DECR1: variants seen among roughly 807,000 people sequenced by gnomAD.
The protein encoded by DECR1 is 2,4-dienoyl-CoA reductase 1, also known as 2,4-dienoyl-CoA reductase [(3E)-enoyl-CoA-producing], mitochondrial.
In DECR1, 44 loss-of-function variants were observed where a neutral mutation model predicts 38.8. The ratio of observed to expected loss-of-function variants is 1.13; its 90% confidence interval spans 0.89 to 1.46. DECR1 has a LOEUF of 1.46. DECR1 is among the 40% of genes most tolerant of loss of function. The pLI, the probability that DECR1 is intolerant of heterozygous loss-of-function variation, is 0.00. For missense variants in DECR1, 428 were observed against 405.5 expected (o/e 1.06, Z -0.48); for synonymous variants, 148 against 135.2 (o/e 1.09, Z -0.66).
intron 5 of DECR1, among the ~76,000 whole-genome samples, chr8:90,035,523 T>C (rs1038307336): frequency 3.3e-5 from 5 of 152,110 alleles, no homozygotes; most frequent in East Asian, 1.9e-4. Flanking sequence ...AGAAGCCATA[T>C]TGGTTTCTAT....
chr8:90,012,621 A>G (rs1459733932), intron 1 of DECR1, among the ~76,000 whole-genome samples: 5 of 152,206 alleles, frequency 3.3e-5, no homozygotes, highest in Admixed American at 3.3e-4. Context: ...ATGCAATTGG[A>G]GTCTGGCCAA....
At chr8:90,016,391 C>T (rs1349866298) in intron 1 of DECR1, among the ~76,000 whole-genome samples, 2 of 152,014 alleles carry the variant, frequency 1.3e-5, no homozygotes, top group Non-Finnish European at 2.9e-5. Context: ...AATCCCAGCT[C>T]TTTGGGAGGC....
intron 1 of DECR1, among the ~76,000 whole-genome samples, chr8:90,011,660 T>C (rs1043279614): frequency 6.6e-6 from 1 of 152,216 alleles, no homozygotes; most frequent in East Asian, 1.9e-4. Flanking sequence ...AGTCTTGTAC[T>C]TCTTTTATTA....
chr8:90,050,461 A>G (rs1348681188), intron 8 of DECR1, among the ~76,000 whole-genome samples: 1 of 152,252 alleles, frequency 6.6e-6, no homozygotes, highest in Non-Finnish European at 1.5e-5. Context: ...ATGCAAATCA[A>G]AACCACAGTG....
intron 8 of DECR1, among the ~76,000 whole-genome samples, chr8:90,046,145 G>A (rs962841516): frequency 1.3e-5 from 2 of 152,358 alleles, no homozygotes; most frequent in East Asian, 1.9e-4. Context: ...CCAAAGGAAT[G>A]CAGCTCCTCG....
At chr8:90,046,563 A>C (rs2130168291) in intron 8 of DECR1, among the ~76,000 whole-genome samples, 1 of 152,186 alleles carries the variant, frequency 6.6e-6, no homozygotes, top group Middle Eastern at 3.4e-3. Context: ...TCTACGTCTG[A>C]TTGTACCTGA....
At chr8:90,043,770 A>G (rs1196032360) in intron 7 of DECR1, among the ~76,000 whole-genome samples, 1 of 152,228 alleles carries the variant, frequency 6.6e-6, no homozygotes, top group Non-Finnish European at 1.5e-5. Flanking sequence ...AAACAGTCTA[A>G]TAAAATTAGT....
intron 1 of DECR1, among the ~76,000 whole-genome samples, chr8:90,015,873 T>C (rs778113756): frequency 6.6e-6 from 1 of 152,238 alleles, no homozygotes; most frequent in Non-Finnish European, 1.5e-5. Context: ...ATATATTTTT[T>C]ATCACTCTGA....
chr8:90,004,386 T>C lies in DECR1; in HGVS notation c.69+2825T>C, dbSNP rs1360082353. 3.3e-5 allele frequency among the ~76,000 whole-genome samples: 5 copies of C among 150,966 alleles called. No homozygotes were observed. In the East Asian group the frequency reaches 9.7e-4, roughly 29 times the overall value. On this transcript the variant is annotated intron_variant, in intron 1 of 9. Coordinates refer to ENST00000220764, the MANE Select transcript of DECR1 (RefSeq NM_001359.2). ...AAAAAAGAATAGTAACTATCAAGAG[T>C]AAAATCACTATTTTTAGAAAAATGA... is the stretch of plus-strand genomic sequence containing the variant.
intron 5 of DECR1, among the ~76,000 whole-genome samples, chr8:90,035,237 C>G (rs755824164): frequency 7.9e-5 from 12 of 152,028 alleles, no homozygotes; most frequent in Admixed American, 2.6e-4. Context: ...TAGCTTTCTG[C>G]ATTGTAAGTT....
Position 90,005,540 on chromosome 8 carries a change from G to T in DECR1, c.69+3979G>T. 7.7e-5 allele frequency: 33 copies of T among 427,836 alleles called. 1 individual carries two copies. Among genetic ancestry groups the T allele is most frequent in the South Asian group, 5.6e-4 (33 of 59,002 alleles). The allele number at this position is 427,836 out of a possible 1,614,324, so 26.5% of individuals were successfully genotyped here. A position where few individuals can be genotyped will look rare whatever the true frequency, so the allele number is the denominator to read the frequency against. ...CCTATCAGCTGGATCTCCCGAAGTA[G>T]GCGGACTTACATAACTCTGGAGGAG... On this transcript the variant is annotated intron_variant, in intron 1 of 9. Coordinates refer to ENST00000220764, the MANE Select transcript of DECR1 (RefSeq NM_001359.2).
At chr8:90,049,721 A>T (rs1370940669) in intron 8 of DECR1, among the ~76,000 whole-genome samples, 3 of 152,316 alleles carry the variant, frequency 2.0e-5, no homozygotes, top group South Asian at 2.1e-4. Flanking sequence ...CATTGCCAAG[A>T]CAATCCTAAG....
At chr8:90,042,510 C>G (rs1375061620) in intron 6 of DECR1, 3 of 560,772 alleles carry the variant, frequency 5.3e-6, no homozygotes, top group Non-Finnish European at 9.6e-6. Flanking sequence ...GAAGCTAGAC[C>G]TCTTGAGATT....
intron 6 of DECR1, among the ~76,000 whole-genome samples, chr8:90,041,687 T>A (rs1387747169): frequency 6.6e-6 from 1 of 152,180 alleles, no homozygotes; most frequent in Non-Finnish European, 1.5e-5. Flanking sequence ...TGTAACTGAT[T>A]AGGCTTACCT....
At chr8:90,024,918 C>T (rs903006055) in intron 5 of DECR1, among the ~76,000 whole-genome samples, 1 of 152,166 alleles carries the variant, frequency 6.6e-6, no homozygotes, top group African/African-American at 2.4e-5. Flanking sequence ...AGGAAGGGAT[C>T]CAGTTTCAGC....
chr8:90,016,880 A>G (rs907332686), intron 1 of DECR1: 6 of 419,516 alleles, frequency 1.4e-5, no homozygotes, highest in South Asian at 1.2e-4. Flanking sequence ...AGAGAGGTCA[A>G]ATAACCTGCT....
intron 1 of DECR1, among the ~76,000 whole-genome samples, chr8:90,002,015 G>C (rs1171806898): frequency 6.6e-6 from 1 of 152,152 alleles, no homozygotes; most frequent in African/African-American, 2.4e-5. Flanking sequence ...GCAACGCCGG[G>C]AGTGAGCACC....
intron 8 of DECR1, among the ~76,000 whole-genome samples, chr8:90,050,592 A>C (rs4477076): frequency 0.11 from 16,979 of 152,194 alleles, 1,533 homozygotes; most frequent in African/African-American, 0.23. Flanking sequence ...TAAACTAGTT[A>C]AACCATTGTG....
At chr8:90,031,319 T>A (rs1161023834) in intron 5 of DECR1, among the ~76,000 whole-genome samples, 1 of 152,164 alleles carries the variant, frequency 6.6e-6, no homozygotes, top group Non-Finnish European at 1.5e-5. Context: ...AAAGAAAATG[T>A]TAAGTTTCCT....
Sources: gnomAD v4.1 joint callset for allele counts (sites outside exome capture counted in the v4.1 genomes callset) on GRCh38, gnomAD v4.1.1 for gene constraint, MANE v1.5 for transcripts, NCBI Gene and HGNC (gene_info 2026-07-23, HGNC 2026-07-21) for gene names.